The following FAM171A1 variants were observed in gnomAD, a reference collection of about 807,000 sequenced individuals.
FAM171A1 encodes protein FAM171A1.
FAM171A1 carries 23 observed loss-of-function variants against 74.9 expected under a neutral mutation model. That is an observed-to-expected ratio of 0.31 (90% CI 0.22 to 0.44). The LOEUF (loss-of-function observed/expected upper bound fraction) is 0.44, where lower values mean the gene tolerates loss of function less well. FAM171A1 is among the 20% of genes least tolerant of loss of function. The probability of loss-of-function intolerance (pLI) is 1.00; values close to 1 mark genes in which losing one functional copy is unlikely to be tolerated. For missense variants in FAM171A1, 1,162 were observed against 1,159.2 expected (o/e 1.00, Z -0.03); for synonymous variants, 527 against 505.7 (o/e 1.04, Z -0.57).
chr10:15,271,861 C>A (rs1006261052), intron 3 of FAM171A1, among the ~76,000 whole-genome samples: 2 of 152,156 alleles, frequency 1.3e-5, no homozygotes, highest in Non-Finnish European at 2.9e-5. Context: ...ATCAGGCCTG[C>A]CTTACAAGAG....
intron 4 of FAM171A1, among the ~76,000 whole-genome samples, chr10:15,252,621 C>T (rs1025928387): frequency 2.0e-5 from 3 of 152,154 alleles, no homozygotes; most frequent in Admixed American, 6.5e-5. Flanking sequence ...TCCAAGTCCC[C>T]GAGGGCGCGT....
chr10:15,356,768 C>T (rs771122093), intron 1 of FAM171A1, among the ~76,000 whole-genome samples: 7 of 151,922 alleles, frequency 4.6e-5, no homozygotes, highest in Non-Finnish European at 1.0e-4. Context: ...ATCAGGAGCT[C>T]GAGACCAGCC....
intron 5 of FAM171A1, among the ~76,000 whole-genome samples, chr10:15,237,316 C>A (rs1016605751): frequency 6.6e-6 from 1 of 152,050 alleles, no homozygotes; most frequent in Admixed American, 6.5e-5. Flanking sequence ...AACAAAAGTG[C>A]CCCCTGAACC....
At chr10:15,237,504 T>C (rs902134390) in intron 5 of FAM171A1, 7 of 152,236 alleles carry the variant, frequency 4.6e-5, no homozygotes, top group African/African-American at 1.2e-4. Context: ...AGCTTGGTTG[T>C]TCTCCCATGG....
chr10:15,254,675 CTA>C (rs1383424161), intron 4 of FAM171A1, 44 bp downstream of exon 4: 12 of 1,597,070 alleles, frequency 7.5e-6, no homozygotes, highest in Non-Finnish European at 8.6e-6. Context: ...CATGTAAAGA[CTA>C]AAACACAGTA....
chr10:15,302,505 C>G (rs1308553380), intron 1 of FAM171A1, among the ~76,000 whole-genome samples: 1 of 116,406 alleles, frequency 8.6e-6, no homozygotes, highest in Non-Finnish European at 1.8e-5. Flanking sequence ...AACCCAAAAC[C>G]AAAAAAAAAA....
chr10:15,263,897 ATCTAT>A (rs1447087100), intron 3 of FAM171A1, among the ~76,000 whole-genome samples: 1 of 131,166 alleles, frequency 7.6e-6, no homozygotes, highest in South Asian at 2.4e-4. Context: ...CTATCTATCT[ATCTAT>A]CTATCCGTCC....
At chr10:15,333,642 A>G (rs1835667554) in intron 1 of FAM171A1, among the ~76,000 whole-genome samples, 1 of 152,144 alleles carries the variant, frequency 6.6e-6, no homozygotes, top group Non-Finnish European at 1.5e-5. Flanking sequence ...AGCCTGGCCA[A>G]CATAATGAGA....
intron 4 of FAM171A1, among the ~76,000 whole-genome samples, chr10:15,252,565 G>A (rs942964145): frequency 6.6e-6 from 1 of 152,170 alleles, no homozygotes; most frequent in Non-Finnish European, 1.5e-5. Context: ...GGGCCGCCAT[G>A]GAGCTGGTGA....
rs543181655 is a variant in FAM171A1 at position 15,213,790 on chromosome 10, G to C, written c.1798C>G (p.Pro600Ala). 1.9e-6 allele frequency: 3 copies of C among 1,614,060 alleles called. No individual in the cohort carries two copies. The highest frequency in any genetic ancestry group is 2.5e-6 in the Non-Finnish European group (3 of 1,180,044). ...LPGDHSYVSQ[P>A]LVVPADQQLE... ...TGCTGATCAGCCGGGACGACGAGGGGCTGGCTGACATAGGAGTGGTCCCCG... is the reference window on the plus strand; with the variant it reads ...TGCTGATCAGCCGGGACGACGAGGGCCTGGCTGACATAGGAGTGGTCCCCG... The change falls in exon 8 of 8, where the codon CCC becomes GCC. Residue 600 changes from proline (P) to alanine (A), a missense_variant. By Grantham distance (27) the Pro-to-Ala change is conservative (BLOSUM62 -1). Coordinates refer to ENST00000378116, the MANE Select transcript of FAM171A1 (RefSeq NM_001010924.2). The surrounding 1 kb of genome is among the most constrained non-coding windows in gnomAD (Gnocchi z 6.8).
At chr10:15,274,888 G>C (rs1162390102) in intron 3 of FAM171A1, among the ~76,000 whole-genome samples, 1 of 152,172 alleles carries the variant, frequency 6.6e-6, no homozygotes, top group Non-Finnish European at 1.5e-5. Flanking sequence ...TTAAGAAAAT[G>C]TGGCACATGT....
chr10:15,216,158 A>T (rs1001151223), intron 6 of FAM171A1, 48 bp from the exon 7 acceptor site: 6 of 1,171,176 alleles, frequency 5.1e-6, no homozygotes, highest in Non-Finnish European at 7.4e-6. Flanking sequence ...CCTTTAACTC[A>T]AAAGAGGGAT....
At chr10:15,219,674 T>G (rs571860358) in intron 6 of FAM171A1, among the ~76,000 whole-genome samples, 1 of 152,276 alleles carries the variant, frequency 6.6e-6, no homozygotes, top group South Asian at 2.1e-4. Flanking sequence ...CTCTGCCTCC[T>G]GGGTTCAAGC....
At chr10:15,323,996 G>T (rs912914485) in intron 1 of FAM171A1, among the ~76,000 whole-genome samples, 1 of 152,094 alleles carries the variant, frequency 6.6e-6, no homozygotes, top group Non-Finnish European at 1.5e-5. Flanking sequence ...ATCAAAAATG[G>T]AAACGATGCT....
intron 1 of FAM171A1, among the ~76,000 whole-genome samples, chr10:15,307,070 G>T (rs1387240661): frequency 1.3e-5 from 2 of 152,162 alleles, no homozygotes; most frequent in Admixed American, 6.5e-5. Context: ...TCTCTGTTGG[G>T]TGACCTTATT....
chr10:15,213,565 C>A lies in FAM171A1; in HGVS notation c.2023G>T (p.Asp675Tyr). Residue 675 changes from aspartate (D) to tyrosine (Y), a missense_variant, in exon 8 of 8, where the codon GAC becomes TAC. Physicochemically the swap from Asp to Tyr is radical, Grantham distance 160. Coordinates refer to ENST00000378116, the MANE Select transcript of FAM171A1 (RefSeq NM_001010924.2). The surrounding 1 kb of genome is among the most constrained non-coding windows in gnomAD (Gnocchi z 6.8). ...CTGTTCATCTGAGCCAAAGCCGCGT[C>A]GTTCAGGGAAGCTGGGATGGAGAGA... is the stretch of plus-strand genomic sequence containing the variant. ...ESLSIPASLN[D>Y]AALAQMNSEV... is the part of the protein sequence containing the mutation. 1 of 1,614,172 alleles carries A rather than the reference C, an allele frequency of 6.2e-7. No homozygotes were observed.
chr10:15,278,496 C>T (rs996551476), intron 2 of FAM171A1, among the ~76,000 whole-genome samples: 1 of 152,184 alleles, frequency 6.6e-6, no homozygotes, highest in African/African-American at 2.4e-5. Context: ...GCGGAGACAA[C>T]ACACGTAAAT....
rs895667265 is a variant in FAM171A1, at chr10:15,212,655, G to A, written c.*260C>T. 2 of 520,714 alleles carry A rather than the reference G, an allele frequency of 3.8e-6. No homozygotes were observed. Among genetic ancestry groups the A allele is most frequent in the Admixed American group, 3.8e-5 (1 of 26,264 alleles). The allele number at this position is 520,714 out of a possible 1,614,324, so 32.3% of individuals were successfully genotyped here. A position where few individuals can be genotyped will look rare whatever the true frequency, so the allele number is the denominator to read the frequency against. On this transcript the variant is annotated 3_prime_UTR_variant, in exon 8 of 8. Coordinates refer to ENST00000378116, the MANE Select transcript of FAM171A1 (RefSeq NM_001010924.2). The stretch of plus-strand genomic sequence containing the variant: ...TCTTAATGTCCCTGGTGGCGGATAC[G>A]CCGAGTCCTCGGAAGGACATCTGGA...
intron 1 of FAM171A1, among the ~76,000 whole-genome samples, chr10:15,309,463 G>A (rs1429507310): frequency 1.3e-5 from 2 of 152,238 alleles, no homozygotes; most frequent in African/African-American, 4.8e-5. Context: ...CCGCCTTGGC[G>A]TCCCAGTGTT....
Sources: gnomAD v4.1 joint callset for allele counts (sites outside exome capture counted in the v4.1 genomes callset) on GRCh38, gnomAD v4.1.1 for gene constraint, Gnocchi (gnomAD v3.1) non-coding constraint, MANE v1.5 for transcripts, NCBI Gene and HGNC (gene_info 2026-07-23, HGNC 2026-07-21) for gene names.